Variants in KIR2DL4 observed in about 807,000 individuals in gnomAD.
KIR2DL4 encodes the protein killer cell immunoglobulin-like receptor 2DL4.
A neutral mutation model predicts 31.0 loss-of-function variants in KIR2DL4; 41 were observed. The observed-to-expected ratio is 1.32, with a 90% CI of 1.03 to 1.72. The LOEUF is 1.72. Ranked by LOEUF, KIR2DL4 falls within the 40% of genes most tolerant of loss-of-function variation. The pLI is 0.00. For synonymous variants in KIR2DL4, 164 were observed against 133.6 expected, an observed-to-expected ratio of 1.23 and a Z score of -1.57; for missense variants, 438 against 353.7, an observed-to-expected ratio of 1.24 and a Z score of -1.91.
exon 3 of KIR2DL4, chr19:54,804,804 A>C: frequency 6.2e-7 from 1 of 1,612,054 alleles, no homozygotes. Flanking sequence ...TGGTCAGGAC[A>C]AGCCCTTCTG....
chr19:54,806,833 C>T (rs2060561789), intron 4 of KIR2DL4, among the ~76,000 whole-genome samples: 1 of 149,566 alleles, frequency 6.7e-6, no homozygotes, highest in Admixed American at 6.7e-5. Context: ...CATGGGGGAA[C>T]CAATCTTTAC....
chr19:54,808,481 C>T (rs1601172041), intron 4 of KIR2DL4, among the ~76,000 whole-genome samples: 1 of 150,696 alleles, frequency 6.6e-6, no homozygotes, highest in African/African-American at 2.5e-5. Flanking sequence ...GTAGATTCTT[C>T]GAACCTTTGT....
chr19:54,807,076 C>T (rs2147912270), intron 4 of KIR2DL4, among the ~76,000 whole-genome samples: 1 of 150,764 alleles, frequency 6.6e-6, no homozygotes, highest in African/African-American at 2.5e-5. Flanking sequence ...TCCTTCCTAA[C>T]CTCTGGTATC....
In KIR2DL4 at chr19:54,807,570, T is replaced by C. The variant is rs1293536065; in HGVS notation, c.656-1263T>C. ...CTCCAGCCTCAGCCTCCCGAGTAGT[T>C]GGGATTACTGGTGCCCGCCACCACG... On this transcript the variant is annotated intron_variant, in intron 4 of 7. Coordinates refer to ENST00000359085, the Ensembl canonical transcript of KIR2DL4. 4.0e-5 allele frequency among the ~76,000 whole-genome samples: 6 copies of C among 149,862 alleles called. 1 individual carries two copies. Among genetic ancestry groups the C allele is most frequent in the Non-Finnish European group, 8.8e-5 (6 of 67,806 alleles).
intron 3 of KIR2DL4, among the ~76,000 whole-genome samples, chr19:54,805,362 G>C (rs1360429033): frequency 6.6e-6 from 1 of 151,188 alleles, no homozygotes; most frequent in Non-Finnish European, 1.5e-5. Flanking sequence ...AGATGGCCTG[G>C]ACTCTCCCAC....
chr19:54,811,382 A>C (rs1265968412), intron 5 of KIR2DL4, among the ~76,000 whole-genome samples: 1 of 151,316 alleles, frequency 6.6e-6, no homozygotes, highest in Non-Finnish European at 1.5e-5. Flanking sequence ...TAGGTGACAG[A>C]GTGAGACTCC....
intron 4 of KIR2DL4, among the ~76,000 whole-genome samples, chr19:54,807,527 T>A (rs2060600032): frequency 6.6e-6 from 1 of 150,842 alleles, no homozygotes; most frequent in African/African-American, 2.5e-5. Context: ...AACCTCTACC[T>A]CCAGGATTCA....
At chr19:54,804,915 G>A in exon 3 of KIR2DL4, 1 of 1,612,246 alleles carries the variant, frequency 6.2e-7, no homozygotes. Flanking sequence ...CAAGAAAGAT[G>A]GGGTCCCTGT....
At chr19:54,812,232 A>G (rs1463598015) in intron 5 of KIR2DL4, among the ~76,000 whole-genome samples, 1 of 151,236 alleles carries the variant, frequency 6.6e-6, no homozygotes, top group Non-Finnish European at 1.5e-5. Context: ...TTACTTATAG[A>G]TAAGCAGCGA....
chr19:54,814,344 C>G, exon 8 of KIR2DL4: 1 of 556,670 alleles, frequency 1.8e-6, no homozygotes, highest in Non-Finnish European at 3.2e-6. Context: ...CAATTCCAAA[C>G]ATACAAGAGG....
chr19:54,803,818 G>C (rs1243402651), intron 1 of KIR2DL4, 73 bp from the exon 2 acceptor site: 4 of 1,558,216 alleles, frequency 2.6e-6, no homozygotes, highest in Non-Finnish European at 3.5e-6. Context: ...AGTCCAGCGT[G>C]GCGCCCAGTG....
At chr19:54,804,671 C>G in intron 2 of KIR2DL4, 122 bp from the exon 3 acceptor site, 2 of 1,052,858 alleles carry the variant, frequency 1.9e-6, no homozygotes, top group Admixed American at 2.3e-5. Context: ...CTTCCTGTAG[C>G]CCCAGGCACC....
intron 4 of KIR2DL4, among the ~76,000 whole-genome samples, chr19:54,807,281 G>C (rs2060586030): frequency 6.6e-6 from 1 of 150,962 alleles, no homozygotes; most frequent in East Asian, 1.9e-4. Context: ...CTGATGGGCA[G>C]GTAGGTTGAC....
At position 54,808,891 on chromosome 19, in the gene KIR2DL4, A is replaced by T; in HGVS notation, c.706+8A>T. The T allele has an allele frequency of 1.2e-6, 2 of 1,602,102 alleles. No homozygotes were observed. The highest frequency in any genetic ancestry group is 3.3e-5 in the Admixed American group (2 of 59,796). On this transcript the variant is annotated splice_region_variant and intron_variant, in intron 5 of 7. Transcript: ENST00000359085. ...AACCAAGCTTCAAAACTGGTAAGTGAAGGACCCCTCTTATCTCTGCTTTTG... is the reference window on the plus strand; with the variant it reads ...AACCAAGCTTCAAAACTGGTAAGTGTAGGACCCCTCTTATCTCTGCTTTTG...
At chr19:54,803,612 T>G (rs1329825897) in exon 1 of KIR2DL4, 7 of 1,611,858 alleles carry the variant, frequency 4.3e-6, no homozygotes, top group African/African-American at 2.7e-5. Context: ...CACCGGTCAG[T>G]CGAGCCGAGT....
chr19:54,813,716 G>T, exon 7 of KIR2DL4: 1 of 1,612,022 alleles, frequency 6.2e-7, no homozygotes, highest in Non-Finnish European at 8.5e-7. Flanking sequence ...CCAAGAGCCT[G>T]CGGGACACAG....
At chr19:54,811,183 A>G (rs1423346883) in intron 5 of KIR2DL4, among the ~76,000 whole-genome samples, 1 of 151,128 alleles carries the variant, frequency 6.6e-6, no homozygotes, top group East Asian at 1.9e-4. Flanking sequence ...GGATCAAGTG[A>G]GATCAGGAGT....
intron 4 of KIR2DL4, among the ~76,000 whole-genome samples, chr19:54,808,011 T>C (rs1427993294): frequency 6.6e-6 from 1 of 151,402 alleles, no homozygotes; most frequent in Non-Finnish European, 1.5e-5. Context: ...TTGAGAAATG[T>C]CTGTTCAGGT....
intron 4 of KIR2DL4, among the ~76,000 whole-genome samples, chr19:54,806,821 A>G (rs1425705134): frequency 6.7e-6 from 1 of 149,892 alleles, no homozygotes; most frequent in Non-Finnish European, 1.5e-5. Context: ...CAGCCTGGCC[A>G]ACATGGGGGA....
Sources: allele counts gnomAD v4.1 joint callset (sites outside exome capture counted in the v4.1 genomes callset), GRCh38; gene constraint gnomAD v4.1.1; transcripts MANE v1.5; gene names NCBI Gene and HGNC (gene_info 2026-07-23, HGNC 2026-07-21).